The following CAMTA1 variants were observed in gnomAD, a reference collection of about 807,000 sequenced individuals.
The protein encoded by CAMTA1 is calmodulin binding transcription activator 1.
CAMTA1 carries 27 observed loss-of-function variants against 170.9 expected under a neutral mutation model. That is an observed-to-expected ratio of 0.16 (90% CI 0.12 to 0.22). The LOEUF (loss-of-function observed/expected upper bound fraction) is 0.22, where lower values mean the gene tolerates loss of function less well. CAMTA1 is among the 10% of genes least tolerant of loss of function. The pLI is 1.00. For missense variants in CAMTA1, 1,619 were observed against 2,217.2 expected (o/e 0.73, Z 5.42); for synonymous variants, 833 against 891.5 (o/e 0.93, Z 1.17).
intron 1 of CAMTA1, among the ~76,000 whole-genome samples, chr1:6,792,486 T>C (rs1641397579): frequency 6.6e-6 from 1 of 152,028 alleles, no homozygotes; most frequent in African/African-American, 2.4e-5. Flanking sequence ...TTTTTTTTTT[T>C]ACCTCATTAC....
intron 6 of CAMTA1, among the ~76,000 whole-genome samples, chr1:7,601,390 T>A (rs1335379470): frequency 7.9e-6 from 1 of 126,858 alleles, no homozygotes; most frequent in Non-Finnish European, 1.7e-5. Context: ...ATGGGCGGCC[T>A]GGCAGAGACG....
intron 1 of CAMTA1, among the ~76,000 whole-genome samples, chr1:6,809,835 G>A (rs1043578841): frequency 2.0e-5 from 3 of 152,102 alleles, no homozygotes; most frequent in Non-Finnish European, 2.9e-5. Context: ...GTTGTCAGTC[G>A]TAATGCTGCA....
intron 3 of CAMTA1, among the ~76,000 whole-genome samples, chr1:6,842,836 A>G (rs1656420209): frequency 6.6e-6 from 1 of 152,054 alleles, no homozygotes; most frequent in Non-Finnish European, 1.5e-5. Flanking sequence ...AGGCAGGAGA[A>G]TTGCTTGAAC....
intron 3 of CAMTA1, among the ~76,000 whole-genome samples, chr1:7,016,858 GA>G (rs1321725461): frequency 1.3e-4 from 19 of 151,692 alleles, no homozygotes; most frequent in African/African-American, 3.6e-4. Flanking sequence ...AAAAGGAAAA[GA>G]AAAAAAAGAT....
chr1:7,389,068 C>G (rs2088376983), intron 5 of CAMTA1, among the ~76,000 whole-genome samples: 1 of 152,214 alleles, frequency 6.6e-6, no homozygotes, highest in South Asian at 2.1e-4. Flanking sequence ...GGAAGGGAGT[C>G]TGGCTCTGTG....
chr1:6,951,251 T>C (rs1688436064), intron 3 of CAMTA1, among the ~76,000 whole-genome samples: 1 of 152,212 alleles, frequency 6.6e-6, no homozygotes, highest in Non-Finnish European at 1.5e-5. Flanking sequence ...GTGGGGGATC[T>C]GGATCAGATG....
intron 3 of CAMTA1, among the ~76,000 whole-genome samples, chr1:7,017,312 T>A (rs1360938688): frequency 1.3e-5 from 2 of 152,240 alleles, no homozygotes; most frequent in Non-Finnish European, 2.9e-5. Flanking sequence ...ACCCATTGAT[T>A]AAAAGATGAA....
intron 22 of CAMTA1, among the ~76,000 whole-genome samples, chr1:7,759,398 T>C (rs1271986379): frequency 1.3e-5 from 2 of 152,196 alleles, no homozygotes; most frequent in African/African-American, 2.4e-5. Context: ...CAAATATTTT[T>C]CACTGAGTAC....
At chr1:7,294,477 G>A (rs1673632176) in intron 5 of CAMTA1, among the ~76,000 whole-genome samples, 1 of 152,192 alleles carries the variant, frequency 6.6e-6, no homozygotes, top group Admixed American at 6.5e-5. Context: ...AGTGTGCGGG[G>A]GACAGGTGAT....
At chr1:6,800,132 C>T (rs1643540738) in intron 1 of CAMTA1, among the ~76,000 whole-genome samples, 1 of 152,124 alleles carries the variant, frequency 6.6e-6, no homozygotes, top group African/African-American at 2.4e-5. Flanking sequence ...AGGCCGGGTG[C>T]TGTGGCTCGG....
At position 7,044,846 on chromosome 1, in the gene CAMTA1, C is replaced by T. The variant is rs773795961; in HGVS notation, c.235-46458C>T. Among the ~76,000 whole-genome samples, 3 of 151,118 alleles carry T rather than the reference C, an allele frequency of 2.0e-5. No homozygotes were observed. Among genetic ancestry groups the T allele is most frequent in the Non-Finnish European group, 4.4e-5 (3 of 67,814 alleles). ...CCCGCCTGTGGTTTTCTTTCCCATT[C>T]CTGTCTGCCAGCAGTGCCTCCTCTC... On this transcript the variant is annotated intron_variant, in intron 3 of 22. Coordinates refer to ENST00000303635, the MANE Select transcript of CAMTA1 (RefSeq NM_015215.4). The surrounding 1 kb of genome is among the most constrained non-coding windows in gnomAD (Gnocchi z 5.0).
In CAMTA1 at chr1:7,609,687, G is replaced by A. The variant is rs189227730; in HGVS notation, c.511-30713G>A. ...CTCCAGCCTCAAGTCAGATCCCCTG[G>A]ACCCCAGATCTCTTCCACCCACAGG... is the stretch of plus-strand genomic sequence containing the variant. On this transcript the variant is annotated intron_variant, in intron 6 of 22. Transcript: ENST00000303635. This position sits in a 1 kb window ranked among gnomAD's most constrained non-coding sequence, Gnocchi z 4.4. Among the ~76,000 whole-genome samples, 429 of 152,280 alleles carry A rather than the reference G, an allele frequency of 2.8e-3. 3 individuals carry two copies. The highest frequency in any genetic ancestry group is 3.7e-3 in the Non-Finnish European group (252 of 68,022).
chr1:6,958,060 C>T (rs531539465), intron 3 of CAMTA1, among the ~76,000 whole-genome samples: 2 of 152,266 alleles, frequency 1.3e-5, no homozygotes, highest in South Asian at 2.1e-4. Flanking sequence ...TGTGGTCTTT[C>T]GTGAACAAAA....
At chr1:7,503,961 G>T (rs2094054189) in intron 6 of CAMTA1, among the ~76,000 whole-genome samples, 1 of 152,136 alleles carries the variant, frequency 6.6e-6, no homozygotes, top group African/African-American at 2.4e-5. Flanking sequence ...GGAGTCAGGA[G>T]CTGGGGGCCT....
At chr1:7,301,193 C>G (rs1674704204) in intron 5 of CAMTA1, among the ~76,000 whole-genome samples, 1 of 152,188 alleles carries the variant, frequency 6.6e-6, no homozygotes, top group African/African-American at 2.4e-5. Context: ...CTGAAGCATT[C>G]TTTGCATATT....
intron 4 of CAMTA1, among the ~76,000 whole-genome samples, chr1:7,236,080 G>A (rs557369116): frequency 1.3e-5 from 2 of 152,268 alleles, no homozygotes; most frequent in African/African-American, 2.4e-5. Flanking sequence ...GGGAGGACAC[G>A]GAATGCTTGT....
rs1674437620 is a variant in CAMTA1, at chr1:7,299,424, G to A, written c.438+49798G>A. Among the ~76,000 whole-genome samples the A allele has an allele frequency of 1.3e-5, 2 of 152,210 alleles. No homozygotes were observed. Among genetic ancestry groups the A allele is most frequent in the Admixed American group, 1.3e-4 (2 of 15,292 alleles). ...CTCAATATGAACTAAGCAGGGGGTG[G>A]GAGGTACAGACCACCCCAGTAATCC... On this transcript the variant is annotated intron_variant, in intron 5 of 22. Coordinates refer to ENST00000303635, the MANE Select transcript of CAMTA1 (RefSeq NM_015215.4). This position sits in a 1 kb window ranked among gnomAD's most constrained non-coding sequence, Gnocchi z 4.7.
chr1:6,971,873 G>A lies in CAMTA1; in HGVS notation c.235-119431G>A, dbSNP rs1333610328. Among the ~76,000 whole-genome samples, 3 of 152,220 alleles carry A rather than the reference G, an allele frequency of 2.0e-5. No individual in the cohort carries two copies. Among genetic ancestry groups the A allele is most frequent in the Non-Finnish European group, 2.9e-5 (2 of 68,038 alleles). On this transcript the variant is annotated intron_variant, in intron 3 of 22. Transcript: ENST00000303635. The surrounding 1 kb of genome is among the most constrained non-coding windows in gnomAD (Gnocchi z 4.6). ...GCTGCCATTGGCGTCAGCAAGGCCC[G>A]TCAGCCTCCCCAAAAAGCCAGAGCT...
At chr1:7,422,891 C>G (rs2091655075) in intron 5 of CAMTA1, among the ~76,000 whole-genome samples, 1 of 152,230 alleles carries the variant, frequency 6.6e-6, no homozygotes, top group Non-Finnish European at 1.5e-5. Context: ...GCGAGGGGCC[C>G]TTTGCAAACC....
Sources: gnomAD v4.1 joint callset for allele counts (sites outside exome capture counted in the v4.1 genomes callset) on GRCh38, gnomAD v4.1.1 for gene constraint, Gnocchi (gnomAD v3.1) non-coding constraint, MANE v1.5 for transcripts, NCBI Gene and HGNC (gene_info 2026-07-23, HGNC 2026-07-21) for gene names.